Variants in LRRC37A observed in about 807,000 individuals in gnomAD.
LRRC37A encodes the protein leucine rich repeat containing 37A.
In LRRC37A, 3 loss-of-function variants were observed where a neutral mutation model predicts 35.4. The ratio of observed to expected loss-of-function variants is 0.08; its 90% CI spans 0.04 to 0.22. The LOEUF is 0.22. Among genes scored for constraint, LRRC37A ranks in the 10% least tolerant of loss-of-function variants. The pLI is 1.00. For synonymous variants in LRRC37A, 23 were observed against 215.0 expected, an observed-to-expected ratio of 0.11 and a Z score of 7.81; for missense variants, 67 against 565.3, an observed-to-expected ratio of 0.12 and a Z score of 8.94.
chr17:46,270,699 G>T, the LRRC37A span, among the ~76,000 whole-genome samples: 1 of 152,186 alleles, frequency 6.6e-6, no homozygotes, highest in Non-Finnish European at 1.5e-5. Context: ...ACAAGGTCAG[G>T]AGTTTGAGAC....
the LRRC37A span, among the ~76,000 whole-genome samples, chr17:46,277,653 C>CTT: frequency 1.5e-5 from 2 of 137,864 alleles, no homozygotes; most frequent in African/African-American, 5.2e-5. Flanking sequence ...TTCTTTCTTT[C>CTT]TTTTTTTTTT....
chr17:46,257,474 G>GTT, the LRRC37A span, among the ~76,000 whole-genome samples: 1 of 133,132 alleles, frequency 7.5e-6, no homozygotes, highest in African/African-American at 2.8e-5. Context: ...AAAAAAAAAA[G>GTT]TAACACTTTG....
chr17:46,306,071 G>A lies in LRRC37A; in HGVS notation c.2826-158G>A, dbSNP rs1277034300. On this transcript the variant is annotated intron_variant, in intron 4 of 13. Transcript: ENST00000320254. Reference sequence around the variant, plus strand: ...AATGCACCACGTGTGCAGTGTTAAAGTATAAATCATAAGCCAGTATCTTCC... The same window carrying A: ...AATGCACCACGTGTGCAGTGTTAAAATATAAATCATAAGCCAGTATCTTCC... Among the ~76,000 whole-genome samples, 2 of 80,522 alleles carry A rather than the reference G, an allele frequency of 2.5e-5. 1 individual carries two copies. Among genetic ancestry groups the A allele is most frequent in the African/African-American group, 6.3e-5 (2 of 31,616 alleles). 52.8% of individuals were successfully genotyped at this position (80,522 alleles called of 152,430 possible).
the LRRC37A span, among the ~76,000 whole-genome samples, chr17:46,277,308 G>A: frequency 1.3e-5 from 2 of 152,182 alleles, no homozygotes; most frequent in Non-Finnish European, 2.9e-5. Flanking sequence ...TCTTGCCACA[G>A]GCCCCAGGAC....
chr17:46,269,087 T>C, the LRRC37A span, among the ~76,000 whole-genome samples: 1 of 152,270 alleles, frequency 6.6e-6, no homozygotes, highest in Non-Finnish European at 1.5e-5. Flanking sequence ...CCTGATTTTA[T>C]ATTCAAACCT....
the LRRC37A span, among the ~76,000 whole-genome samples, chr17:46,282,804 C>T: frequency 1.3e-5 from 2 of 152,228 alleles, no homozygotes; most frequent in South Asian, 2.1e-4. Context: ...GAAAGCACCC[C>T]GTGGCTTTTC....
At chr17:46,285,430 C>T in the LRRC37A span, among the ~76,000 whole-genome samples, 1 of 151,912 alleles carries the variant, frequency 6.6e-6, no homozygotes, top group Non-Finnish European at 1.5e-5. Flanking sequence ...TTAGTAGAGA[C>T]GGGGTTTCAC....
At chr17:46,280,411 C>T in the LRRC37A span, among the ~76,000 whole-genome samples, 21,717 of 151,908 alleles carry the variant, frequency 0.14, 1,884 homozygotes, top group Non-Finnish European at 0.22. Context: ...CAGTGGCTCA[C>T]GGCTGTAATC....
At chr17:46,327,695 G>A (rs1054447902) in intron 7 of LRRC37A, among the ~76,000 whole-genome samples, 9 of 12,104 alleles carry the variant, frequency 7.4e-4, no homozygotes, top group African/African-American at 1.0e-3. Flanking sequence ...ACCCAAATGT[G>A]CATCAATGAT....
chr17:46,285,386 T>A, the LRRC37A span, among the ~76,000 whole-genome samples: 1 of 151,994 alleles, frequency 6.6e-6, no homozygotes, highest in African/African-American at 2.4e-5. Flanking sequence ...GATTACAGGC[T>A]CACGCCACCA....
the LRRC37A span, among the ~76,000 whole-genome samples, chr17:46,249,357 T>TCCTCCCTCCACTGCCGC: frequency 2.4e-4 from 36 of 152,182 alleles, no homozygotes; most frequent in East Asian, 6.4e-3. Flanking sequence ...ACACTTGCTG[T>TCCTCCCTCCACTGCCGC]CCTCCCTCCA....
At chr17:46,276,489 T>TA in the LRRC37A span, among the ~76,000 whole-genome samples, 1 of 152,188 alleles carries the variant, frequency 6.6e-6, no homozygotes, top group African/African-American at 2.4e-5. Flanking sequence ...TGATTCCAGT[T>TA]AAAAATTTAG....
At chr17:46,266,387 A>C in the LRRC37A span, among the ~76,000 whole-genome samples, 1 of 152,182 alleles carries the variant, frequency 6.6e-6, no homozygotes, top group Non-Finnish European at 1.5e-5. Flanking sequence ...ATCACAGGAC[A>C]GACATTCTCG....
At chr17:46,260,181 C>A in the LRRC37A span, 2 of 1,489,998 alleles carry the variant, frequency 1.3e-6, no homozygotes, top group East Asian at 2.6e-5. Flanking sequence ...GGGTCAGATT[C>A]GGCGGCAGGC....
At chr17:46,290,704 C>T (rs1319192309), upstream of LRRC37A, among the ~76,000 whole-genome samples, 1 of 152,236 alleles carries the variant, frequency 6.6e-6, no homozygotes, top group Non-Finnish European at 1.5e-5. Flanking sequence ...ACCTCAGCCT[C>T]CCAAAGTGCT....
At chr17:46,260,829 G>C in the LRRC37A span, among the ~76,000 whole-genome samples, 1 of 152,086 alleles carries the variant, frequency 6.6e-6, no homozygotes, top group African/African-American at 2.4e-5. Flanking sequence ...CTCCCTGTTG[G>C]TCAGGCTGGT....
chr17:46,259,019 A>ATTTTTTTTTTTTTTTTTTT, the LRRC37A span, among the ~76,000 whole-genome samples: 4 of 79,448 alleles, frequency 5.0e-5, no homozygotes, highest in Non-Finnish European at 6.7e-5. Context: ...CACCCGGCCT[A>ATTTTTTTTTTTTTTTTTTT]TTTTTTTTTT....
At chr17:46,271,075 C>T in the LRRC37A span, among the ~76,000 whole-genome samples, 1 of 152,032 alleles carries the variant, frequency 6.6e-6, no homozygotes. Context: ...CTCTTCCCTC[C>T]ACCTCCTCAA....
the LRRC37A span, among the ~76,000 whole-genome samples, chr17:46,250,653 A>G: frequency 6.6e-6 from 1 of 152,208 alleles, no homozygotes; most frequent in Non-Finnish European, 1.5e-5. Context: ...CAGCCTGCAG[A>G]CGGCCTATTG....
Sources: gnomAD v4.1 joint callset for allele counts (sites outside exome capture counted in the v4.1 genomes callset) on GRCh38, gnomAD v4.1.1 for gene constraint, MANE v1.5 for transcripts, NCBI Gene and HGNC (gene_info 2026-07-23, HGNC 2026-07-21) for gene names.